DAB1: variants seen among roughly 807,000 people sequenced by gnomAD.
The protein encoded by DAB1 is disabled homolog 1.
Under a neutral mutation model 64.6 loss-of-function variants are expected in DAB1, and 15 were observed. The ratio of observed to expected loss-of-function variants is 0.23; its 90% CI spans 0.16 to 0.36. The LOEUF (loss-of-function observed/expected upper bound fraction) is 0.36. Among genes scored for constraint, DAB1 ranks in the 10% least tolerant of loss-of-function variants. The probability of loss-of-function intolerance (pLI) is 1.00; values close to 1 mark genes in which losing one functional copy is unlikely to be tolerated. For synonymous variants in DAB1, 235 were observed against 251.9 expected, an observed-to-expected ratio of 0.93 and a Z score of 0.64; for missense variants, 596 against 706.7, an observed-to-expected ratio of 0.84 and a Z score of 1.78.
chr1:57,386,253 C>T (rs1299554383), intron 1 of DAB1, among the ~76,000 whole-genome samples: 1 of 150,660 alleles, frequency 6.6e-6, no homozygotes, highest in Non-Finnish European at 1.5e-5. Context: ...ATAAATAAGG[C>T]AGAGTCTTTA....
chr1:57,903,837 G>A (rs887122019), intron 5 of DAB1, among the ~76,000 whole-genome samples: 1 of 152,140 alleles, frequency 6.6e-6, no homozygotes, highest in Non-Finnish European at 1.5e-5. Flanking sequence ...ACCAGAGGAC[G>A]GGGAGGAGAA....
intron 3 of DAB1, among the ~76,000 whole-genome samples, chr1:58,404,958 C>T (rs1020397477): frequency 6.6e-6 from 1 of 152,188 alleles, no homozygotes; most frequent in African/African-American, 2.4e-5. Flanking sequence ...GTGGTCCCGG[C>T]TGTGCCCTAT....
At chr1:57,037,910 G>GTA (rs1183007623) in intron 9 of DAB1, among the ~76,000 whole-genome samples, 1 of 152,320 alleles carries the variant, frequency 6.6e-6, no homozygotes, top group East Asian at 1.9e-4. Flanking sequence ...TTGGGATGAT[G>GTA]TAAAGTTCTC....
At chr1:57,250,048 C>A (rs558135514) in intron 2 of DAB1, among the ~76,000 whole-genome samples, 1 of 152,164 alleles carries the variant, frequency 6.6e-6, no homozygotes, top group South Asian at 2.1e-4. Context: ...TCAGGACTGG[C>A]ACACAAATAA....
At chr1:57,481,631 A>G (rs1217369026) in intron 7 of DAB1, among the ~76,000 whole-genome samples, 3 of 152,258 alleles carry the variant, frequency 2.0e-5, no homozygotes, top group Non-Finnish European at 2.9e-5. Flanking sequence ...AGCCTGGCCA[A>G]CATGGTGAAA....
chr1:57,334,158 G>T (rs555194035), intron 1 of DAB1, among the ~76,000 whole-genome samples: 1 of 152,330 alleles, frequency 6.6e-6, no homozygotes, highest in South Asian at 2.1e-4. Flanking sequence ...TGATGAATAT[G>T]GAGGCCAGGC....
chr1:57,606,507 AATATAATAT>A (rs1202496924), intron 7 of DAB1, among the ~76,000 whole-genome samples: 1 of 68,902 alleles, frequency 1.5e-5, no homozygotes, highest in Non-Finnish European at 2.5e-5. Context: ...TATAATATAT[AATATAATAT>A]ATATAATATA....
chr1:57,980,243 G>A (rs370200134), intron 5 of DAB1, among the ~76,000 whole-genome samples: 37 of 151,216 alleles, frequency 2.4e-4, no homozygotes, highest in African/African-American at 9.0e-4. Context: ...TGTCCCTATT[G>A]TCCCCAGAAT....
chr1:58,367,968 C>T (rs992595310), intron 3 of DAB1, among the ~76,000 whole-genome samples: 2 of 152,150 alleles, frequency 1.3e-5, no homozygotes, highest in African/African-American at 4.8e-5. Context: ...GACTTTGAAC[C>T]AATGCCATTA....
chr1:57,537,279 T>C (rs1644741577), intron 7 of DAB1, among the ~76,000 whole-genome samples: 1 of 152,144 alleles, frequency 6.6e-6, no homozygotes, highest in Non-Finnish European at 1.5e-5. Flanking sequence ...CTTGGGAGCT[T>C]TTCCAAAAGA....
intron 7 of DAB1, among the ~76,000 whole-genome samples, chr1:57,436,308 A>G (rs1341375977): frequency 1.3e-5 from 2 of 152,214 alleles, no homozygotes; most frequent in African/African-American, 4.8e-5. Context: ...GCAGCACCAC[A>G]TTATAACAAG....
intron 5 of DAB1, among the ~76,000 whole-genome samples, chr1:57,943,800 G>A (rs1016568689): frequency 6.6e-6 from 1 of 152,100 alleles, no homozygotes; most frequent in African/African-American, 2.4e-5. Context: ...CGAGATTTAT[G>A]GTAACAAGAA....
At chr1:57,408,970 G>A (rs368061979) in intron 1 of DAB1, among the ~76,000 whole-genome samples, 1 of 152,028 alleles carries the variant, frequency 6.6e-6, no homozygotes. Context: ...GGGAAGACAG[G>A]GTATTTATCT....
chr1:57,146,360 T>C (rs1378221018), intron 2 of DAB1, among the ~76,000 whole-genome samples: 2 of 152,246 alleles, frequency 1.3e-5, no homozygotes, highest in African/African-American at 2.4e-5. Flanking sequence ...CTGGACATTG[T>C]ACAGTTGGTT....
At chr1:57,960,445 T>C (rs1645490605) in intron 5 of DAB1, among the ~76,000 whole-genome samples, 1 of 150,432 alleles carries the variant, frequency 6.6e-6, no homozygotes, top group East Asian at 2.0e-4. Context: ...ATTTCCTTTA[T>C]CTCTTTTTAA....
At chr1:57,511,730 T>G (rs1197530335) in intron 7 of DAB1, among the ~76,000 whole-genome samples, 1 of 152,224 alleles carries the variant, frequency 6.6e-6, no homozygotes, top group Non-Finnish European at 1.5e-5. Context: ...CCTTAAATAT[T>G]GCTGAATGAA....
At chr1:57,099,011 T>C (rs1654423433) in intron 4 of DAB1, among the ~76,000 whole-genome samples, 1 of 152,232 alleles carries the variant, frequency 6.6e-6, no homozygotes, top group Admixed American at 6.5e-5. Flanking sequence ...AGAATCTCAG[T>C]ATCTTCATCT....
rs143467997 is a variant in DAB1 at position 58,028,234 on chromosome 1, G to C, written n.387+122277C>G. 8.8e-3 allele frequency among the ~76,000 whole-genome samples: 1,336 copies of C among 152,308 alleles called. 19 individuals carry two copies. Among genetic ancestry groups the C allele is most frequent in the Non-Finnish European group, 0.014 (955 of 68,020 alleles). ...GCTCCTAGGGGAAACACAGGGTCAT[G>C]TTCCTGCAAGGCTCTGGTCAAAACA... On this transcript the variant is annotated intron_variant and non_coding_transcript_variant, in intron 5 of 20. Coordinates refer to the DAB1 transcript ENST00000485760.
intron 5 of DAB1, among the ~76,000 whole-genome samples, chr1:57,893,844 TG>T (rs1644353320): frequency 6.6e-6 from 1 of 152,106 alleles, no homozygotes; most frequent in African/African-American, 2.4e-5. Context: ...AACCTGAAAC[TG>T]GTGATCAATA....
Sources: allele counts gnomAD v4.1 joint callset (sites outside exome capture counted in the v4.1 genomes callset), GRCh38; gene constraint gnomAD v4.1.1; transcripts MANE v1.5; gene names NCBI Gene and HGNC (gene_info 2026-07-23, HGNC 2026-07-21).